SFMBT1: variants seen among roughly 807,000 people sequenced by gnomAD.
The protein encoded by SFMBT1 is Scm like with four mbt domains 1.
A neutral mutation model predicts 108.7 loss-of-function variants in SFMBT1; 32 were observed. The ratio of observed to expected loss-of-function variants is 0.29; its 90% CI spans 0.22 to 0.40. SFMBT1 has a LOEUF of 0.40. Ranked by LOEUF, SFMBT1 falls within the 10% of genes least tolerant of loss-of-function variation. The probability of loss-of-function intolerance (pLI) is 1.00; values close to 1 mark genes in which losing one functional copy is unlikely to be tolerated. For synonymous variants in SFMBT1, 348 were observed against 369.5 expected (o/e 0.94, Z 0.67); for missense variants, 816 against 1,059.6 (o/e 0.77, Z 3.19).
rs564953699 is a variant in SFMBT1, at chr3:52,917,379, A to G, written c.1415+1105T>C. 2.6e-5 allele frequency among the ~76,000 whole-genome samples: 4 copies of G among 152,178 alleles called. No homozygotes were observed. In the South Asian group the frequency reaches 8.3e-4, roughly 32 times the overall value. On this transcript the variant is annotated intron_variant, in intron 13 of 20. Transcript: ENST00000394752. ...AATCCAATAGCATTGATAGCCTTACAGGAAGAGAGGGGTCGGGGGGTGCCG... is the reference window on the plus strand; with the variant it reads ...AATCCAATAGCATTGATAGCCTTACGGGAAGAGAGGGGTCGGGGGGTGCCG...
intron 10 of SFMBT1, among the ~76,000 whole-genome samples, chr3:52,923,442 T>C (rs537767903): frequency 7.2e-5 from 11 of 151,876 alleles, no homozygotes; most frequent in African/African-American, 2.7e-4. Context: ...TGGCGGGCCC[T>C]ATAATCCCAG....
At chr3:52,948,465 A>G (rs1703451139) in intron 3 of SFMBT1, among the ~76,000 whole-genome samples, 1 of 152,084 alleles carries the variant, frequency 6.6e-6, no homozygotes, top group African/African-American at 2.4e-5. Flanking sequence ...TTTTATATAT[A>G]TGTACTTTTT....
At chr3:52,990,843 A>G (rs772130044) in intron 1 of SFMBT1, among the ~76,000 whole-genome samples, 15 of 152,240 alleles carry the variant, frequency 9.9e-5, no homozygotes, top group Non-Finnish European at 1.9e-4. Flanking sequence ...CATTACTACT[A>G]TGGGGTGATG....
At chr3:53,035,882 C>A (rs549126807) in intron 1 of SFMBT1, among the ~76,000 whole-genome samples, 1 of 152,300 alleles carries the variant, frequency 6.6e-6, no homozygotes, top group South Asian at 2.1e-4. Context: ...CGTGAGCAAC[C>A]GCACCCGGCC....
intron 1 of SFMBT1, among the ~76,000 whole-genome samples, chr3:53,020,470 T>A (rs1699271099): frequency 6.6e-6 from 1 of 152,056 alleles, no homozygotes. Context: ...ATTGAACACA[T>A]CCCCATCTTA....
intron 14 of SFMBT1, among the ~76,000 whole-genome samples, chr3:52,915,918 G>A (rs1702334840): frequency 6.6e-6 from 1 of 152,178 alleles, no homozygotes; most frequent in Admixed American, 6.5e-5. Context: ...GGCACACAAC[G>A]GTTGATCAGT....
intron 1 of SFMBT1, among the ~76,000 whole-genome samples, chr3:53,008,041 C>T (rs1186974444): frequency 6.7e-6 from 1 of 148,418 alleles, no homozygotes; most frequent in Non-Finnish European, 1.5e-5. Flanking sequence ...TGAATCTGAA[C>T]TGAATCCTTT....
chr3:52,953,456 A>AC (rs1559524709), intron 3 of SFMBT1, among the ~76,000 whole-genome samples: 3 of 151,212 alleles, frequency 2.0e-5, no homozygotes, highest in Non-Finnish European at 3.0e-5. Context: ...CAAAAAAAAA[A>AC]CCTAGGTCTA....
At chr3:52,957,362 A>C (rs1703815587) in intron 2 of SFMBT1, among the ~76,000 whole-genome samples, 1 of 152,234 alleles carries the variant, frequency 6.6e-6, no homozygotes, top group Non-Finnish European at 1.5e-5. Context: ...GCTCACAGAC[A>C]GAAAGAATCA....
intron 2 of SFMBT1, among the ~76,000 whole-genome samples, chr3:52,967,915 A>G (rs1333956425): frequency 1.3e-5 from 2 of 152,214 alleles, no homozygotes; most frequent in Non-Finnish European, 2.9e-5. Flanking sequence ...ATAATTTTGC[A>G]GTTTTCTTTA....
At chr3:52,919,906 A>G (rs954703873) in intron 12 of SFMBT1, among the ~76,000 whole-genome samples, 2 of 152,190 alleles carry the variant, frequency 1.3e-5, no homozygotes, top group African/African-American at 4.8e-5. Flanking sequence ...AAACTTATCC[A>G]CCAATGTGCT....
intron 1 of SFMBT1, among the ~76,000 whole-genome samples, chr3:53,037,856 C>G (rs541586083): frequency 6.6e-6 from 1 of 152,298 alleles, no homozygotes; most frequent in South Asian, 2.1e-4. Flanking sequence ...CACCTGTAAT[C>G]TCAGCACTTT....
chr3:52,945,151 A>AAAAAAAAAAAAAAAC (rs1208407962), intron 3 of SFMBT1, among the ~76,000 whole-genome samples: 11 of 148,688 alleles, frequency 7.4e-5, no homozygotes, highest in African/African-American at 2.0e-4. Context: ...AAAAAAAAAA[A>AAAAAAAAAAAAAAAC]CAAGGACTTC....
chr3:52,932,770 G>T (rs760256644), intron 5 of SFMBT1, among the ~76,000 whole-genome samples: 3 of 152,072 alleles, frequency 2.0e-5, no homozygotes, highest in Non-Finnish European at 4.4e-5. Context: ...AATTAGTCGG[G>T]CATGGTGGTA....
At chr3:52,990,571 T>A (rs544914462) in intron 1 of SFMBT1, among the ~76,000 whole-genome samples, 1 of 152,322 alleles carries the variant, frequency 6.6e-6, no homozygotes, top group Non-Finnish European at 1.5e-5. Flanking sequence ...CTCGGAATCT[T>A]TAACAAAACG....
At chr3:52,963,366 TAAATTTC>T (rs773055604) in intron 2 of SFMBT1, among the ~76,000 whole-genome samples, 6 of 152,168 alleles carry the variant, frequency 3.9e-5, no homozygotes, top group Non-Finnish European at 8.8e-5. Context: ...AAAAATTCTA[TAAATTTC>T]AAATAAACTG....
At chr3:52,979,132 C>T (rs1170719692) in intron 1 of SFMBT1, among the ~76,000 whole-genome samples, 2 of 151,680 alleles carry the variant, frequency 1.3e-5, no homozygotes, top group African/African-American at 4.8e-5. Flanking sequence ...AAAAATGGTA[C>T]TTATATTCAA....
At position 52,971,695 on chromosome 3, in the gene SFMBT1, T is replaced by A. The variant is rs146182136; in HGVS notation, c.-130-2437A>T. 1.4e-3 allele frequency among the ~76,000 whole-genome samples: 214 copies of A among 152,090 alleles called. 5 individuals are homozygous for A. In the East Asian group the frequency reaches 0.037, roughly 26 times the overall value. On this transcript the variant is annotated intron_variant, in intron 1 of 20. Coordinates refer to ENST00000394752, the MANE Select transcript of SFMBT1 (RefSeq NM_016329.4). ...CCAACAATAAAAAAATTATTTAAAT[T>A]GCTAGCAAGTAGAAGTACTAGATGA...
chr3:52,985,098 T>C (rs934265033), intron 1 of SFMBT1, among the ~76,000 whole-genome samples: 2 of 152,208 alleles, frequency 1.3e-5, no homozygotes, highest in African/African-American at 4.8e-5. Context: ...AATGCTTTAT[T>C]TATGGGAGCC....
Sources: gnomAD v4.1 joint callset for allele counts (sites outside exome capture counted in the v4.1 genomes callset) on GRCh38, gnomAD v4.1.1 for gene constraint, MANE v1.5 for transcripts, NCBI Gene and HGNC (gene_info 2026-07-23, HGNC 2026-07-21) for gene names.